Variants in DENND3 observed in about 807,000 individuals in gnomAD.
The protein encoded by DENND3 is DENN domain-containing protein 3.
DENND3 carries 88 observed loss-of-function variants against 135.1 expected under a neutral mutation model. The observed-to-expected ratio is 0.65, with a 90% CI of 0.55 to 0.78. The LOEUF (loss-of-function observed/expected upper bound fraction) is 0.78, where lower values mean the gene tolerates loss of function less well. Ranked by LOEUF, DENND3 falls within the 30% of genes least tolerant of loss-of-function variation. DENND3 has a pLI of 0.00. For missense variants in DENND3, 1,392 were observed against 1,688.4 expected, an observed-to-expected ratio of 0.82 and a Z score of 3.08; for synonymous variants, 693 against 712.3, an observed-to-expected ratio of 0.97 and a Z score of 0.43.
chr8:141,179,077 C>T (rs925155118), intron 16 of DENND3, among the ~76,000 whole-genome samples: 2 of 152,244 alleles, frequency 1.3e-5, no homozygotes, highest in East Asian at 1.9e-4. Context: ...ACCTCACTTA[C>T]GTGTTTATTT....
At chr8:141,145,845 A>ATTTTTTT (rs1818044218) in intron 5 of DENND3, among the ~76,000 whole-genome samples, 1 of 41,896 alleles carries the variant, frequency 2.4e-5, no homozygotes, top group African/African-American at 1.6e-4. Flanking sequence ...ATATATATAT[A>ATTTTTTT]TATATGTATT....
Position 141,188,036 on chromosome 8 carries a change from ACAT to A in DENND3, c.3085-947_3085-945del, listed in dbSNP as rs377360649. On this transcript the variant is annotated intron_variant, in intron 18 of 22. Transcript: ENST00000519811. ...ACCCTATCTCTACTAAAACTGCCAA[ACAT>A]CAGCCAGGCGTGGTGGCATCAGCCA... Among the ~76,000 whole-genome samples the A allele has an allele frequency of 7.1e-3, 1,029 of 144,308 alleles. 9 individuals are homozygous for A. Among genetic ancestry groups the A allele is most frequent in the African/African-American group, 0.025 (976 of 38,588 alleles). The allele number at this position is 144,308 out of a possible 152,430, so 94.7% of individuals were successfully genotyped here. A position where few individuals can be genotyped will look rare whatever the true frequency, so the allele number is the denominator to read the frequency against.
chr8:141,141,366 T>C lies in DENND3; in HGVS notation c.623+42T>C, dbSNP rs1395104186. 6.4e-7 allele frequency: 1 copy of C among 1,567,876 alleles called. No individual in the cohort carries two copies. Among genetic ancestry groups the C allele is most frequent in the Admixed American group, 1.7e-5 (1 of 58,722 alleles). On this transcript the variant is annotated intron_variant, in intron 4 of 22. Coordinates refer to ENST00000519811, the MANE Select transcript of DENND3 (RefSeq NM_001352890.3). This position sits in a 1 kb window ranked among gnomAD's most constrained non-coding sequence, Gnocchi z 5.3. ...GGGGCCAGGGGTGGTAGGGGGCAGC[T>C]CTTTGTGCCTCTCCAGGTGAGCCAA...
intron 4 of DENND3, chr8:141,142,985 G>A (rs1039369846): frequency 6.5e-6 from 1 of 152,722 alleles, no homozygotes; most frequent in African/African-American, 2.4e-5. Context: ...AGACATTAAA[G>A]CAAACACATA....
chr8:141,155,959 G>T lies in DENND3; in HGVS notation c.1185G>T (p.Thr395=). The part of the protein sequence containing the change: ...IPDVPLLAAQ[T]FIQRVQSLQL... ...ATGTCCCCCTCCTGGCAGCCCAGAC[G>T]TTTATTCAGAGGTAACGGGAAACAT... The change falls in exon 8 of 23, where the codon ACG becomes ACT. Residue 395 remains threonine (T), a synonymous_variant. Coordinates refer to ENST00000519811, the MANE Select transcript of DENND3 (RefSeq NM_001352890.3). 1 of 1,609,202 alleles carries T rather than the reference G, an allele frequency of 6.2e-7. No individual in the cohort carries two copies. The highest frequency in any genetic ancestry group is 8.5e-7 in the Non-Finnish European group (1 of 1,177,290).
intron 5 of DENND3, among the ~76,000 whole-genome samples, chr8:141,147,666 G>C (rs911870954): frequency 6.6e-6 from 1 of 152,184 alleles, no homozygotes; most frequent in Non-Finnish European, 1.5e-5. Context: ...CGCAGGGCAC[G>C]GCACAGTTTG....
intron 17 of DENND3, among the ~76,000 whole-genome samples, chr8:141,181,143 A>G (rs1823045974): frequency 6.6e-6 from 1 of 152,108 alleles, no homozygotes; most frequent in Non-Finnish European, 1.5e-5. Context: ...CACCTTCTAG[A>G]GCAGTCGACG....
chr8:141,192,712 GC>G (rs1824927421), intron 22 of DENND3, 49 bp downstream of exon 22: 1 of 1,609,090 alleles, frequency 6.2e-7, no homozygotes. Context: ...GGTCTCGCTT[GC>G]CCTGGCCGCA....
Position 141,168,386 on chromosome 8 carries a change from G to C in DENND3, c.2136G>C (p.Ser712=). Residue 712 remains serine (S), a synonymous_variant, in exon 13 of 23, where the codon TCG becomes TCC. Coordinates refer to ENST00000519811, the MANE Select transcript of DENND3 (RefSeq NM_001352890.3). This position sits in a 1 kb window ranked among gnomAD's most constrained non-coding sequence, Gnocchi z 6.2. Reference sequence around the variant, plus strand: ...TCCTGGACAAGCCGCACGAGGCCTCGAAGCTGGACGACCACGTGAAGAAGT... The same window carrying C: ...TCCTGGACAAGCCGCACGAGGCCTCCAAGCTGGACGACCACGTGAAGAAGT... ...SEILDKPHEA[S]KLDDHVKKFK... The C allele has an allele frequency of 6.2e-7, 1 of 1,613,898 alleles. No homozygotes were observed. The highest frequency in any genetic ancestry group is 8.5e-7 in the Non-Finnish European group (1 of 1,180,028).
In DENND3 at chr8:141,136,795, T is replaced by G; in HGVS notation, c.385+4T>G. The G allele has an allele frequency of 6.4e-7, 1 of 1,565,254 alleles. No individual in the cohort carries two copies. Among genetic ancestry groups the G allele is most frequent in the Non-Finnish European group, 8.6e-7 (1 of 1,156,608 alleles). On this transcript the variant is annotated splice_donor_region_variant and intron_variant, in intron 2 of 22. Coordinates refer to ENST00000519811, the MANE Select transcript of DENND3 (RefSeq NM_001352890.3). ...CTGCCGCAGCTGTGCTTCCCAGGTA[T>G]GTCTAGGAGGTGGGCACCACTGGGC...
chr8:141,158,036 A>C (rs1819658780), intron 8 of DENND3: 1 of 1,181,852 alleles, frequency 8.5e-7, no homozygotes, highest in Non-Finnish European at 1.1e-6. Flanking sequence ...CTCAGATTAC[A>C]GGCGTGAGCC....
intron 8 of DENND3, chr8:141,158,212 T>G: frequency 7.8e-7 from 1 of 1,289,796 alleles, no homozygotes; most frequent in Non-Finnish European, 1.0e-6. Context: ...CCTGAGCAGC[T>G]GTTCTGTTGG....
At position 141,178,054 on chromosome 8, in the gene DENND3, G is replaced by C. The variant is rs1410597212; in HGVS notation, c.2707-13G>C. On this transcript the variant is annotated splice_polypyrimidine_tract_variant and intron_variant, in intron 15 of 22. Transcript: ENST00000519811. ...ATTCTTGCTGTTTTGAAACGCACGT[G>C]TTTCTGTTGTAGGACCCTCACTACG... is the stretch of plus-strand genomic sequence containing the variant. 5.0e-6 allele frequency: 8 copies of C among 1,592,030 alleles called. No individual in the cohort carries two copies. Among genetic ancestry groups the C allele is most frequent in the Non-Finnish European group, 6.0e-6 (7 of 1,163,560 alleles).
Position 141,178,169 on chromosome 8 carries a change from T to C in DENND3, c.2809T>C (p.Ser937Pro). 1 of 1,612,932 alleles carries C rather than the reference T, an allele frequency of 6.2e-7. No individual in the cohort carries two copies. The highest frequency in any genetic ancestry group is 8.5e-7 in the Non-Finnish European group (1 of 1,178,868). ...PGAIYAASKL[S>P]YFDKMSNEMP... is the part of the protein sequence containing the mutation. ...CGCCATCTACGCTGCCTCCAAGTTA[T>C]CCTACTTTGATAAGATGAGTAACGA... The change falls in exon 16 of 23, where the codon TCC becomes CCC. Residue 937 changes from serine to proline, a missense_variant. Transcript: ENST00000519811.
chr8:141,184,087 G>C (rs925214109), intron 17 of DENND3, among the ~76,000 whole-genome samples: 2 of 152,228 alleles, frequency 1.3e-5, no homozygotes, highest in Admixed American at 6.5e-5. Context: ...TTCATGGCCG[G>C]ACACGGCGCC....
In DENND3 at chr8:141,192,606, G is replaced by T. The variant is rs765594363; in HGVS notation, c.3579G>T (p.Gln1193His). ...TGAAGGACCTGGCCCAGCCCCCGCA[G>T]AGGGTGCCCCTCGAGGACTGCTCTG... ...WSLKDLAQPP[Q>H]RVPLEDCSEI... is the part of the protein sequence containing the mutation. The change falls in exon 22 of 23, where the codon CAG (glutamine) becomes CAT (histidine). Residue 1193 changes from glutamine (Q) to histidine (H), a missense_variant. Physicochemically the swap from Gln to His is conservative, Grantham distance 24. Transcript: ENST00000519811. 6.3e-7 allele frequency: 1 copy of T among 1,592,426 alleles called. No homozygotes were observed. The highest frequency in any genetic ancestry group is 1.3e-5 in the African/African-American group (1 of 74,640).
chr8:141,192,951 A>C, intron 22 of DENND3: 2 of 1,314,096 alleles, frequency 1.5e-6, no homozygotes, highest in Non-Finnish European at 2.0e-6. Flanking sequence ...GGAGGTCCAA[A>C]ACCAAGGTGT....
At position 141,154,270 on chromosome 8, in the gene DENND3, G is replaced by A. The variant is rs931982863; in HGVS notation, c.1075-1579G>A. Among the ~76,000 whole-genome samples, 9 of 152,236 alleles carry A rather than the reference G, an allele frequency of 5.9e-5. No homozygotes were observed. Among genetic ancestry groups the A allele is most frequent in the East Asian group, 3.8e-4 (2 of 5,200 alleles). The stretch of plus-strand genomic sequence containing the variant: ...CTGTTGAAGTGCAGGGCTCGGGTGC[G>A]TGACTCAGTATTTGTGTACTCTGTC... On this transcript the variant is annotated intron_variant, in intron 7 of 22. Transcript: ENST00000519811. This position sits in a 1 kb window ranked among gnomAD's most constrained non-coding sequence, Gnocchi z 4.4.
At chr8:141,159,934 G>T (rs1013427901) in intron 8 of DENND3, among the ~76,000 whole-genome samples, 9 of 152,202 alleles carry the variant, frequency 5.9e-5, no homozygotes, top group Admixed American at 5.9e-4. Context: ...GATCCTGCCT[G>T]GGCAGGAAGT....
Sources: gnomAD v4.1 joint callset for allele counts (sites outside exome capture counted in the v4.1 genomes callset) on GRCh38, gnomAD v4.1.1 for gene constraint, Gnocchi (gnomAD v3.1) non-coding constraint, MANE v1.5 for transcripts, NCBI Gene and HGNC (gene_info 2026-07-23, HGNC 2026-07-21) for gene names.